SLC45A4: variants seen among roughly 807,000 people sequenced by gnomAD.
SLC45A4 encodes solute carrier family 45 member 4.
A neutral mutation model predicts 63.7 loss-of-function variants in SLC45A4; 32 were observed. The observed-to-expected ratio is 0.50, with a 90% confidence interval of 0.38 to 0.67. The LOEUF (loss-of-function observed/expected upper bound fraction) is 0.67. SLC45A4 is among the 30% of genes least tolerant of loss of function. The pLI is 0.00. For synonymous variants in SLC45A4, 535 were observed against 510.0 expected (o/e 1.05, Z -0.66); for missense variants, 1,027 against 1,157.7 (o/e 0.89, Z 1.64).
chr8:141,249,219 C>T (rs952376325), intron 2 of SLC45A4, among the ~76,000 whole-genome samples: 1 of 152,058 alleles, frequency 6.6e-6, no homozygotes, highest in African/African-American at 2.4e-5. Flanking sequence ...CAAGCCACTC[C>T]CAGTGAACCA....
rs917224875 is a variant in SLC45A4 at position 141,227,690 on chromosome 8, C to T, written c.242-5925G>A. 3.3e-5 allele frequency among the ~76,000 whole-genome samples: 5 copies of T among 152,178 alleles called. No individual in the cohort carries two copies. The highest frequency in any genetic ancestry group is 1.2e-4 in the African/African-American group (5 of 41,442). ...GGGCCCCCGGCACTGAGGCTCTGTG[C>T]TGGCGAGGGCCCCACAGCTGCAAGG... On this transcript the variant is annotated intron_variant, in intron 2 of 8. Coordinates refer to ENST00000517878, the MANE Select transcript of SLC45A4 (RefSeq NM_001286646.2). The surrounding 1 kb of genome is among the most constrained non-coding windows in gnomAD (Gnocchi z 4.4).
intron 1 of SLC45A4, among the ~76,000 whole-genome samples, chr8:141,281,768 AATG>A (rs1829956694): frequency 6.6e-6 from 1 of 152,254 alleles, no homozygotes; most frequent in Admixed American, 6.5e-5. Flanking sequence ...ATCATCTAAT[AATG>A]ATGATATCAT....
intron 1 of SLC45A4, among the ~76,000 whole-genome samples, chr8:141,282,214 A>G (rs1416079199): frequency 1.3e-5 from 2 of 152,208 alleles, no homozygotes; most frequent in Non-Finnish European, 2.9e-5. Flanking sequence ...GGGTAGAAAC[A>G]GAGCCCGGGA....
chr8:141,295,715 CA>C (rs1169745900), intron 1 of SLC45A4, among the ~76,000 whole-genome samples: 11 of 152,222 alleles, frequency 7.2e-5, no homozygotes, highest in African/African-American at 2.7e-4. Flanking sequence ...AACCCAACAT[CA>C]GTCTGAAAGG....
rs545777183 is a variant in SLC45A4 at position 141,215,015 on chromosome 8, C to G, written c.1941+744G>C. Among the ~76,000 whole-genome samples the G allele has an allele frequency of 1.3e-5, 2 of 152,316 alleles. No individual in the cohort carries two copies. The highest frequency in any genetic ancestry group is 2.9e-5 in the Non-Finnish European group (2 of 68,030). ...GTGACGGCCCCAACCTGGAAGCACC[C>G]AAAGGCTCACAAAGCAGGGTGCATC... is the stretch of plus-strand genomic sequence containing the variant. On this transcript the variant is annotated intron_variant, in intron 7 of 8. Coordinates refer to ENST00000517878, the MANE Select transcript of SLC45A4 (RefSeq NM_001286646.2). This position sits in a 1 kb window ranked among gnomAD's most constrained non-coding sequence, Gnocchi z 4.3.
In SLC45A4 at chr8:141,211,665, C is replaced by G; in HGVS notation, c.2334G>C (p.Ser778=). The stretch of plus-strand genomic sequence containing the variant: ...ACAGCTGCGGCACCAGCCAATGTGA[C>G]GAGATCTGACAGACGTCAATACCTG... ...TPAGIDVCQI[S]SHWLVPQLLE... is the part of the protein sequence containing the mutation. The change falls in exon 9 of 9, where the codon TCG becomes TCC. Residue 778 remains serine, a synonymous_variant. Coordinates refer to ENST00000517878, the MANE Select transcript of SLC45A4 (RefSeq NM_001286646.2). The G allele has an allele frequency of 1.9e-6, 3 of 1,603,212 alleles. No individual in the cohort carries two copies. Among genetic ancestry groups the G allele is most frequent in the Non-Finnish European group, 2.6e-6 (3 of 1,174,688 alleles).
chr8:141,266,644 A>G (rs1829279567), intron 1 of SLC45A4, among the ~76,000 whole-genome samples: 1 of 152,262 alleles, frequency 6.6e-6, no homozygotes. Flanking sequence ...AAACGGGGTA[A>G]AAGTATTCGC....
chr8:141,240,735 G>A (rs1207563379), intron 2 of SLC45A4, among the ~76,000 whole-genome samples: 1 of 152,224 alleles, frequency 6.6e-6, no homozygotes, highest in African/African-American at 2.4e-5. Flanking sequence ...GACAGAGCGA[G>A]ACCCTGTCTC....
chr8:141,214,637 T>G (rs1255313577), intron 7 of SLC45A4, among the ~76,000 whole-genome samples: 3 of 152,312 alleles, frequency 2.0e-5, no homozygotes, highest in Admixed American at 6.5e-5. Context: ...CAAGACAATC[T>G]TGAAGAAGAA....
At chr8:141,245,658 C>G (rs1237203194) in intron 2 of SLC45A4, among the ~76,000 whole-genome samples, 1 of 152,186 alleles carries the variant, frequency 6.6e-6, no homozygotes, top group African/African-American at 2.4e-5. Context: ...AGGCTGGACT[C>G]TTAGAGCTAG....
chr8:141,227,800 A>G lies in SLC45A4; in HGVS notation c.242-6035T>C, dbSNP rs7008294. Among the ~76,000 whole-genome samples the G allele has an allele frequency of 0.02, 3,090 of 152,228 alleles. 69 individuals carry two copies. Among genetic ancestry groups the G allele is most frequent in the African/African-American group, 0.056 (2,318 of 41,538 alleles). ...CTCAGGTGCTTTTCCTGAGCCTACT[A>G]CAAACCGGCCCGTCATTTAGGGTGG... is the stretch of plus-strand genomic sequence containing the variant. On this transcript the variant is annotated intron_variant, in intron 2 of 8. Transcript: ENST00000517878. The surrounding 1 kb of genome is among the most constrained non-coding windows in gnomAD (Gnocchi z 4.4).
In SLC45A4 at chr8:141,229,572, G is replaced by T. The variant is rs201008829; in HGVS notation, c.242-7807C>A. On this transcript the variant is annotated intron_variant, in intron 2 of 8. Transcript: ENST00000517878. This position sits in a 1 kb window ranked among gnomAD's most constrained non-coding sequence, Gnocchi z 5.0. ...CAAGGCAGTGGGACCATCCAGGACC[G>T]CATCCTAGGAGGCTCTCAACAAGCA... is the stretch of plus-strand genomic sequence containing the variant. Among the ~76,000 whole-genome samples, 9 of 152,140 alleles carry T rather than the reference G, an allele frequency of 5.9e-5. No homozygotes were observed. In the East Asian group the frequency reaches 1.7e-3, roughly 29 times the overall value.
At chr8:141,290,934 C>T (rs991420624) in intron 1 of SLC45A4, among the ~76,000 whole-genome samples, 1 of 152,214 alleles carries the variant, frequency 6.6e-6, no homozygotes, top group Non-Finnish European at 1.5e-5. Flanking sequence ...CTGTAACCTC[C>T]GCCTCCTGGG....
intron 1 of SLC45A4, among the ~76,000 whole-genome samples, chr8:141,304,284 C>CACAT (rs1554606185): frequency 6.6e-6 from 1 of 151,062 alleles, no homozygotes; most frequent in Non-Finnish European, 1.5e-5. Context: ...CACACACACA[C>CACAT]GCAAAGGAGA....
intron 1 of SLC45A4, among the ~76,000 whole-genome samples, chr8:141,262,688 T>G (rs1829087546): frequency 6.6e-6 from 1 of 152,116 alleles, no homozygotes; most frequent in African/African-American, 2.4e-5. Context: ...CCAGTTAGAA[T>G]GGCAATCATT....
At chr8:141,267,185 T>C (rs560195583) in intron 1 of SLC45A4, among the ~76,000 whole-genome samples, 1 of 152,376 alleles carries the variant, frequency 6.6e-6, no homozygotes, top group Admixed American at 6.5e-5. Context: ...CTGCCTTCCT[T>C]GGACTCTGGC....
In SLC45A4 at chr8:141,218,801, A is replaced by T; in HGVS notation, c.839T>A (p.Val280Asp). The T allele has an allele frequency of 6.2e-7, 1 of 1,613,072 alleles. No individual in the cohort carries two copies. The highest frequency in any genetic ancestry group is 8.5e-7 in the Non-Finnish European group (1 of 1,179,804). ...GALDGGEPHGVPAFPDEVQSE... is the reference protein window; with the variant it reads ...GALDGGEPHGDPAFPDEVQSE... ...CTGTACCTCGTCTGGGAAGGCAGGG[A>T]CGCCGTGCGGCTCGCCCCCATCCAG... is the stretch of plus-strand genomic sequence containing the variant. The change falls in exon 5 of 9, where the codon GTC becomes GAC. Residue 280 changes from valine to aspartate, a missense_variant. Transcript: ENST00000517878.
At position 141,212,522 on chromosome 8, in the gene SLC45A4, C is replaced by A; in HGVS notation, c.1976G>T (p.Gly659Val). Residue 659 changes from glycine to valine, a missense_variant, in exon 8 of 9, where the codon GGG (glycine) becomes GTG (valine). Coordinates refer to ENST00000517878, the MANE Select transcript of SLC45A4 (RefSeq NM_001286646.2). ...IHHSPGNSKR[G>V]FGIDCAILSC... The stretch of plus-strand genomic sequence containing the variant: ...CAGGATGGCACAATCTATGCCAAAC[C>A]CTCGCTTGGAGTTCCCGGGGCTGTG... The A allele has an allele frequency of 6.2e-7, 1 of 1,610,564 alleles. No individual in the cohort carries two copies. The highest frequency in any genetic ancestry group is 8.5e-7 in the Non-Finnish European group (1 of 1,177,818).
chr8:141,287,626 G>A (rs1285235454), intron 1 of SLC45A4, among the ~76,000 whole-genome samples: 2 of 152,220 alleles, frequency 1.3e-5, no homozygotes, highest in East Asian at 1.9e-4. Flanking sequence ...TCTTCTGTGC[G>A]GCATCTTTTC....
Sources: gnomAD v4.1 joint callset for allele counts (sites outside exome capture counted in the v4.1 genomes callset) on GRCh38, gnomAD v4.1.1 for gene constraint, Gnocchi (gnomAD v3.1) non-coding constraint, MANE v1.5 for transcripts, NCBI Gene and HGNC (gene_info 2026-07-23, HGNC 2026-07-21) for gene names.